Variants in SLC9B2 observed in about 807,000 individuals in gnomAD.
The protein encoded by SLC9B2 is sodium/hydrogen exchanger 9B2.
Under a neutral mutation model 52.2 loss-of-function variants are expected in SLC9B2, and 39 were observed. The observed-to-expected ratio is 0.75, with a 90% CI of 0.58 to 0.98. The LOEUF is 0.98. SLC9B2 is among the 50% of genes least tolerant of loss of function. SLC9B2 has a pLI of 0.00. For missense variants in SLC9B2, 626 were observed against 637.5 expected (o/e 0.98, Z 0.19); for synonymous variants, 214 against 227.0 (o/e 0.94, Z 0.51).
intron 5 of SLC9B2, among the ~76,000 whole-genome samples, chr4:103,049,961 T>C (rs1744518235): frequency 6.7e-6 from 1 of 149,346 alleles, no homozygotes; most frequent in African/African-American, 2.5e-5. Flanking sequence ...TGCAGTGAGC[T>C]GAGATCAAGC....
chr4:103,029,430 T>C (rs1348741841), intron 10 of SLC9B2, among the ~76,000 whole-genome samples: 2 of 151,978 alleles, frequency 1.3e-5, no homozygotes, highest in Non-Finnish European at 2.9e-5. Context: ...AGACCAGAAG[T>C]GATAGCTAAA....
In SLC9B2 at chr4:103,028,274, T is replaced by G. The variant is rs72943516; in HGVS notation, c.1392+473A>C. Among the ~76,000 whole-genome samples, 1,403 of 152,258 alleles carry G rather than the reference T, an allele frequency of 9.2e-3. 19 individuals carry two copies. The highest frequency in any genetic ancestry group is 0.032 in the African/African-American group (1,342 of 41,548). Reference sequence around the variant, plus strand: ...AATAAAGTGCTTTCTGAGTTGTTTTTCAATAAATCTTTTCTCCATTACATA... The same window carrying G: ...AATAAAGTGCTTTCTGAGTTGTTTTGCAATAAATCTTTTCTCCATTACATA... On this transcript the variant is annotated intron_variant, in intron 11 of 11. Transcript: ENST00000394785.
chr4:103,047,443 G>A lies in SLC9B2; in HGVS notation c.714-217C>T, dbSNP rs143025207. Among the ~76,000 whole-genome samples the A allele has an allele frequency of 4.0e-3, 602 of 149,228 alleles. 3 individuals are homozygous for A. The highest frequency in any genetic ancestry group is 0.014 in the African/African-American group (554 of 40,332). ...GTTTTAGGGTACATGTGTACAACGT[G>A]CAGGTTTGTTACATATGTATACATG... On this transcript the variant is annotated intron_variant, in intron 6 of 11. Coordinates refer to ENST00000394785, the MANE Select transcript of SLC9B2 (RefSeq NM_178833.7).
Position 103,026,368 on chromosome 4 carries a change from C to A in SLC9B2, c.*2G>T. The A allele has an allele frequency of 6.2e-7, 1 of 1,606,378 alleles. No homozygotes were observed. Among genetic ancestry groups the A allele is most frequent in the Non-Finnish European group, 8.5e-7 (1 of 1,175,748 alleles). ...TATGTTCAGCACTCTCTCTTTTCAC[C>A]TCTAAACTTGCACAGAAGTCTCTCC... is the stretch of plus-strand genomic sequence containing the variant. On this transcript the variant is annotated 3_prime_UTR_variant, in exon 12 of 12. Transcript: ENST00000394785.
Position 103,026,315 on chromosome 4 carries a change from T to C in SLC9B2, c.*55A>G. On this transcript the variant is annotated 3_prime_UTR_variant, in exon 12 of 12. Coordinates refer to ENST00000394785, the MANE Select transcript of SLC9B2 (RefSeq NM_178833.7). ...AACATTACATATTTCAATATGCATC[T>C]TGAAAAAAGTAGCAGCTTTCTAAAC... 2.7e-6 allele frequency: 4 copies of C among 1,456,576 alleles called. No homozygotes were observed. The highest frequency in any genetic ancestry group is 3.7e-6 in the Non-Finnish European group (4 of 1,074,484). 90.2% of individuals were successfully genotyped at this position (1,456,576 alleles called of 1,614,324 possible).
intron 1 of SLC9B2, among the ~76,000 whole-genome samples, chr4:103,068,118 C>T (rs1476619465): frequency 1.3e-5 from 2 of 152,178 alleles, no homozygotes; most frequent in Non-Finnish European, 2.9e-5. Flanking sequence ...ATGATGAGTG[C>T]TATGGTAGTC....
rs750683321 is a variant in SLC9B2 at position 103,031,703 on chromosome 4, C to T, written c.1252G>A (p.Val418Ile). The T allele has an allele frequency of 6.2e-7, 1 of 1,608,990 alleles. No individual in the cohort carries two copies. Among genetic ancestry groups the T allele is most frequent in the Admixed American group, 1.7e-5 (1 of 59,092 alleles). Residue 418 changes from valine (V) to isoleucine (I), a missense_variant, in exon 10 of 12, where the codon GTA (valine) becomes ATA (isoleucine). Coordinates refer to ENST00000394785, the MANE Select transcript of SLC9B2 (RefSeq NM_178833.7). The stretch of plus-strand genomic sequence containing the variant: ...AAGCACATTTTGAAATTCTTACCTA[C>T]AGTTTCTGGTCTGAGAGATGCAATA... ...VSIASLRPET[V>I]GLCVATVGIA...
At chr4:103,045,837 A>G (rs911678859) in intron 7 of SLC9B2, among the ~76,000 whole-genome samples, 10 of 152,182 alleles carry the variant, frequency 6.6e-5, no homozygotes. Context: ...CCTACATAAG[A>G]GTATTTTTAA....
chr4:103,076,055 G>A (rs543610084), intron 1 of SLC9B2, 129 bp downstream of exon 1: 1 of 152,376 alleles, frequency 6.6e-6, no homozygotes, highest in South Asian at 2.1e-4. Context: ...ACAGACACGC[G>A]CCCGTCACCG....
chr4:103,028,869 T>A lies in SLC9B2; in HGVS notation c.1270A>T (p.Thr424Ser). ...RPETVGLCVA[T>S]VGIAVLIRIL... ...CGTATCAATACTGCAATGCCTACGG[T>A]GGCAACACAAAGGCCTGTAAGAAAT... The change falls in exon 11 of 12, where the codon ACC becomes TCC. Residue 424 changes from threonine to serine, a missense_variant. By Grantham distance (58) the Thr-to-Ser change is moderately conservative. Coordinates refer to ENST00000394785, the MANE Select transcript of SLC9B2 (RefSeq NM_178833.7). 2 of 1,590,830 alleles carry A rather than the reference T, an allele frequency of 1.3e-6. No individual in the cohort carries two copies. The highest frequency in any genetic ancestry group is 8.5e-7 in the Non-Finnish European group (1 of 1,172,522).
Position 103,044,889 on chromosome 4 carries a change from C to A in SLC9B2, c.996+1G>T, listed in dbSNP as rs1242801717. 1 of 1,609,868 alleles carries A rather than the reference C, an allele frequency of 6.2e-7. No homozygotes were observed. The highest frequency in any genetic ancestry group is 1.3e-5 in the African/African-American group (1 of 74,932). ...ACTTTCCCACATATTATTTCTTTCA[C>A]CTGGTCACGGCTTGGAAAGTACTGA... On this transcript the variant is annotated splice_donor_variant, in intron 8 of 11. Coordinates refer to ENST00000394785, the MANE Select transcript of SLC9B2 (RefSeq NM_178833.7). LOFTEE classifies it high-confidence loss of function.
At chr4:103,040,419 T>C (rs943761996) in intron 9 of SLC9B2, among the ~76,000 whole-genome samples, 1 of 152,256 alleles carries the variant, frequency 6.6e-6, no homozygotes, top group African/African-American at 2.4e-5. Context: ...ACATCAGACA[T>C]GGGCTTATAT....
intron 9 of SLC9B2, among the ~76,000 whole-genome samples, chr4:103,033,007 C>T (rs1456912225): frequency 6.6e-6 from 1 of 152,126 alleles, no homozygotes; most frequent in East Asian, 1.9e-4. Flanking sequence ...TTACTGGAAT[C>T]CCTGGTGTGG....
chr4:103,039,576 C>G (rs963226640), intron 9 of SLC9B2, among the ~76,000 whole-genome samples: 3 of 151,568 alleles, frequency 2.0e-5, no homozygotes, highest in Non-Finnish European at 4.4e-5. Context: ...ACCTGCCACA[C>G]GACAGAGTCA....
chr4:103,020,471 C>T (rs115094309), downstream of SLC9B2: 1,075 of 371,534 alleles, frequency 2.9e-3, 10 homozygotes, highest in African/African-American at 0.019. Context: ...TCTAATGTTT[C>T]TCCTGACACT....
At chr4:103,045,961 T>C (rs1744083383) in intron 7 of SLC9B2, among the ~76,000 whole-genome samples, 1 of 152,144 alleles carries the variant, frequency 6.6e-6, no homozygotes, top group Admixed American at 6.5e-5. Flanking sequence ...GCATTAAAAA[T>C]AGGAGTATGA....
chr4:103,046,603 C>T (rs540094827), intron 7 of SLC9B2, among the ~76,000 whole-genome samples: 2 of 152,252 alleles, frequency 1.3e-5, no homozygotes, highest in Admixed American at 1.3e-4. Flanking sequence ...CTGTTCCTTT[C>T]ACTTGGACTG....
At chr4:103,045,133 A>C (rs560641897) in intron 7 of SLC9B2, 137 bp from the exon 8 acceptor site, 2 of 623,222 alleles carry the variant, frequency 3.2e-6, no homozygotes, top group Non-Finnish European at 5.5e-6. Flanking sequence ...ATATTCTTAA[A>C]TATGTAAGTG....
rs550162246 is a variant in SLC9B2 at position 103,043,603 on chromosome 4, TAAAC to T, written c.997-162_997-159del. ...CTACATAACATTTACTTTCTCTTCT[TAAAC>T]AAAAGCAGAGTTAGCACACTGCAAT... is the stretch of plus-strand genomic sequence containing the variant. On this transcript the variant is annotated intron_variant, in intron 8 of 11. Coordinates refer to ENST00000394785, the MANE Select transcript of SLC9B2 (RefSeq NM_178833.7). 2.0e-5 allele frequency among the ~76,000 whole-genome samples: 3 copies of T among 152,338 alleles called. No homozygotes were observed. In the South Asian group the frequency reaches 6.2e-4, roughly 32 times the overall value.
Sources: allele counts gnomAD v4.1 joint callset (sites outside exome capture counted in the v4.1 genomes callset), GRCh38; gene constraint gnomAD v4.1.1; transcripts MANE v1.5; gene names NCBI Gene and HGNC (gene_info 2026-07-23, HGNC 2026-07-21).